Variants in CARS2 observed in about 807,000 individuals in gnomAD.
The protein encoded by CARS2 is probable cysteine--tRNA ligase, mitochondrial.
In CARS2, 52 loss-of-function variants were observed where a neutral mutation model predicts 68.8. That is an observed-to-expected ratio of 0.76 (90% CI 0.61 to 0.95). The LOEUF (loss-of-function observed/expected upper bound fraction) is 0.95, where lower values mean the gene tolerates loss of function less well. CARS2 is among the 40% of genes least tolerant of loss of function. CARS2 has a pLI of 0.00. For missense variants in CARS2, 780 were observed against 754.2 expected, an observed-to-expected ratio of 1.03 and a Z score of -0.40; for synonymous variants, 314 against 303.6, an observed-to-expected ratio of 1.03 and a Z score of -0.36.
chr13:110,669,267 C>T (rs944663011), intron 7 of CARS2, among the ~76,000 whole-genome samples: 11 of 152,078 alleles, frequency 7.2e-5, no homozygotes, highest in South Asian at 2.1e-4. Context: ...TGGAATGGGG[C>T]GACCCTACTC....
At position 110,681,444 on chromosome 13, in the gene CARS2, T is replaced by C. The variant is rs531376684; in HGVS notation, c.655+1607A>G. On this transcript the variant is annotated intron_variant, in intron 6 of 14. Coordinates refer to ENST00000257347, the MANE Select transcript of CARS2 (RefSeq NM_024537.4). ...CTTTTGTATAAGAAAATATTTTTTA[T>C]TTTAAAAAGCACTGCTGTGAAGATG... Among the ~76,000 whole-genome samples the C allele has an allele frequency of 3.2e-4, 48 of 152,324 alleles. No homozygotes were observed. The South Asian group carries it at 8.7e-3, about 28-fold the overall frequency.
intron 9 of CARS2, among the ~76,000 whole-genome samples, chr13:110,662,293 T>C (rs564706224): frequency 0.2 from 30,505 of 149,444 alleles, 3,558 homozygotes; most frequent in Admixed American, 0.3. Flanking sequence ...GACCCCCCTC[T>C]GCGTCATGCA....
At chr13:110,692,490 A>G (rs1045911423) in intron 3 of CARS2, among the ~76,000 whole-genome samples, 7 of 151,798 alleles carry the variant, frequency 4.6e-5, no homozygotes, top group Non-Finnish European at 8.8e-5. Flanking sequence ...AAATTAATAA[A>G]TAAAAGTTTT....
At position 110,702,857 on chromosome 13, in the gene CARS2, C is replaced by G. The variant is rs371358849; in HGVS notation, c.276-1302G>C. Among the ~76,000 whole-genome samples the G allele has an allele frequency of 6.6e-5, 10 of 152,358 alleles. No individual in the cohort carries two copies. The East Asian group carries it at 1.2e-3, about 18-fold the overall frequency. On this transcript the variant is annotated intron_variant, in intron 2 of 14. Coordinates refer to ENST00000257347, the MANE Select transcript of CARS2 (RefSeq NM_024537.4). The stretch of plus-strand genomic sequence containing the variant: ...TTGCTTCTGTGACTCCACCATGAAC[C>G]ATGCTACCGTCAGCCCGGCTCTTTC...
rs780804270 is a variant in CARS2, at chr13:110,645,955, T to TCGTTGAGCTACCTTCAGGGACG, written c.1307_1317+11dup. 7 of 1,610,144 alleles carry TCGTTGAGCTACCTTCAGGGACG rather than the reference T, an allele frequency of 4.3e-6. No homozygotes were observed. In the South Asian group the frequency reaches 6.6e-5, roughly 15 times the overall value. On this transcript the variant is annotated intron_variant, in intron 12 of 14. Coordinates refer to ENST00000257347, the MANE Select transcript of CARS2 (RefSeq NM_024537.4). ...GCAGCAGGACCGCAAGGCCACCTGT[T>TCGTTGAGCTACCTTCAGGGACG]CGTTGAGCTACCTTCAGGGACGCCC...
upstream of CARS2, among the ~76,000 whole-genome samples, chr13:110,708,921 T>C (rs1476786118): frequency 2.6e-5 from 4 of 151,368 alleles, no homozygotes; most frequent in Non-Finnish European, 5.9e-5. Flanking sequence ...GCTCAGCTAA[T>C]TTTTGTATTT....
intron 3 of CARS2, among the ~76,000 whole-genome samples, chr13:110,693,420 C>T (rs943702396): frequency 1.3e-5 from 2 of 151,962 alleles, no homozygotes; most frequent in African/African-American, 4.8e-5. Flanking sequence ...AGTGCAGTGG[C>T]GCAATCTCGG....
chr13:110,711,424 A>G (rs2064026553), upstream of CARS2, among the ~76,000 whole-genome samples: 1 of 152,132 alleles, frequency 6.6e-6, no homozygotes, highest in Non-Finnish European at 1.5e-5. Context: ...ATGTTGCCCA[A>G]GCTGGTCCCG....
At chr13:110,684,714 G>A (rs1429029035) in intron 5 of CARS2, among the ~76,000 whole-genome samples, 2 of 151,710 alleles carry the variant, frequency 1.3e-5, no homozygotes, top group Non-Finnish European at 2.9e-5. Flanking sequence ...CCAGGCCCTG[G>A]GAGCTGCTTT....
chr13:110,659,497 C>CT (rs34169536), intron 9 of CARS2, among the ~76,000 whole-genome samples: 64 of 147,818 alleles, frequency 4.3e-4, no homozygotes, highest in East Asian at 2.0e-3. Context: ...CCCAGATCTC[C>CT]TTTTTTTTTT....
chr13:110,702,317 C>G (rs950434365), intron 2 of CARS2, among the ~76,000 whole-genome samples: 3 of 152,190 alleles, frequency 2.0e-5, no homozygotes, highest in African/African-American at 7.2e-5. Context: ...GAGACCAAAT[C>G]TTGATTCCAG....
intron 13 of CARS2, chr13:110,643,805 G>A (rs1395549052): frequency 2.9e-5 from 6 of 204,930 alleles, no homozygotes; most frequent in Non-Finnish European, 5.1e-5. Context: ...TTTCAGGTGA[G>A]CCTGATAAGG....
In CARS2 at chr13:110,665,557, G is replaced by A; in HGVS notation, c.919+1783C>T. Reference sequence around the variant, plus strand: ...CAGGACGAAGCGTTGGCACAGCTAAGGCTGCCCTTCTTGCCCCCCAGCTCC... The same window carrying A: ...CAGGACGAAGCGTTGGCACAGCTAAAGCTGCCCTTCTTGCCCCCCAGCTCC... On this transcript the variant is annotated intron_variant, in intron 8 of 14. Transcript: ENST00000257347. This position sits in a 1 kb window ranked among gnomAD's most constrained non-coding sequence, Gnocchi z 4.3. 5 of 985,454 alleles carry A rather than the reference G, an allele frequency of 5.1e-6. No individual in the cohort carries two copies. Among genetic ancestry groups the A allele is most frequent in the Non-Finnish European group, 6.0e-6 (5 of 829,984 alleles). 61.0% of individuals were successfully genotyped at this position (985,454 alleles called of 1,614,324 possible).
At position 110,676,881 on chromosome 13, in the gene CARS2, G is replaced by A; in HGVS notation, c.785+93C>T. ...AAATCACCCATGGGCACACGTGCCA[G>A]GCTGCACCTGCTCCCATGCACATCC... On this transcript the variant is annotated intron_variant, in intron 7 of 14. Transcript: ENST00000257347. The surrounding 1 kb of genome is among the most constrained non-coding windows in gnomAD (Gnocchi z 4.0). 7.1e-7 allele frequency: 1 copy of A among 1,407,102 alleles called. No homozygotes were observed. Among genetic ancestry groups the A allele is most frequent in the East Asian group, 2.6e-5 (1 of 38,418 alleles). 87.2% of individuals were successfully genotyped at this position (1,407,102 alleles called of 1,614,324 possible). A position where few individuals can be genotyped will look rare whatever the true frequency, so the allele number is the denominator to read the frequency against.
intron 9 of CARS2, among the ~76,000 whole-genome samples, chr13:110,655,209 A>ACTGCAGC (rs1390413288): frequency 6.6e-6 from 1 of 151,968 alleles, no homozygotes; most frequent in Non-Finnish European, 1.5e-5. Flanking sequence ...TCATCACAGC[A>ACTGCAGC]CTGCAGCCTG....
chr13:110,675,615 G>A (rs2062924691), intron 7 of CARS2, among the ~76,000 whole-genome samples: 1 of 152,134 alleles, frequency 6.6e-6, no homozygotes. Flanking sequence ...TAGATGAGGA[G>A]TTAATGGGTG....
exon 1 of CARS2, chr13:110,713,284 T>G: frequency 7.8e-7 from 1 of 1,281,182 alleles, no homozygotes; most frequent in Non-Finnish European, 9.9e-7. Context: ...AGGAGCGAGT[T>G]GCGGTAGTTG....
intron 1 of CARS2, chr13:110,713,006 A>C (rs2064052668): frequency 1.3e-6 from 2 of 1,533,090 alleles, no homozygotes; most frequent in Non-Finnish European, 1.8e-6. Context: ...CTGCGGCCGC[A>C]GCTCAAAGGA....
chr13:110,663,589 C>A, intron 8 of CARS2, 71 bp from the exon 9 acceptor site: 1 of 1,580,022 alleles, frequency 6.3e-7, no homozygotes, highest in South Asian at 1.2e-5. Flanking sequence ...ACACATGGCT[C>A]CCCAGGAAAC....
Sources: gnomAD v4.1 joint callset for allele counts (sites outside exome capture counted in the v4.1 genomes callset) on GRCh38, gnomAD v4.1.1 for gene constraint, Gnocchi (gnomAD v3.1) non-coding constraint, MANE v1.5 for transcripts, NCBI Gene and HGNC (gene_info 2026-07-23, HGNC 2026-07-21) for gene names.